The following RANBP2 variants were observed in gnomAD, a reference collection of about 807,000 sequenced individuals.
RANBP2 encodes RAN binding protein 2, also known as E3 SUMO-protein ligase RanBP2.
In RANBP2, 57 loss-of-function variants were observed where a neutral mutation model predicts 303.6. That is an observed-to-expected ratio of 0.19 (90% CI 0.15 to 0.23). RANBP2 has a LOEUF of 0.23. Among genes scored for constraint, RANBP2 ranks in the 10% least tolerant of loss-of-function variants. The probability of loss-of-function intolerance (pLI) is 1.00; values close to 1 mark genes in which losing one functional copy is unlikely to be tolerated. For missense variants in RANBP2, 3,138 were observed against 3,780.8 expected (o/e 0.83, Z 4.46); for synonymous variants, 1,167 against 1,301.5 (o/e 0.90, Z 2.23).
At chr2:108,911,664 C>A in the RANBP2 span, among the ~76,000 whole-genome samples, 1 of 152,150 alleles carries the variant, frequency 6.6e-6, no homozygotes, top group African/African-American at 2.4e-5. Context: ...TAATGTCGAC[C>A]CTGGATGCAT....
At chr2:108,841,660 T>C in the RANBP2 span, among the ~76,000 whole-genome samples, 1 of 152,138 alleles carries the variant, frequency 6.6e-6, no homozygotes, top group Non-Finnish European at 1.5e-5. Context: ...TTAAATAGCA[T>C]ACAGCTGCAT....
At chr2:109,472,304 C>T in the RANBP2 span, among the ~76,000 whole-genome samples, 1 of 151,340 alleles carries the variant, frequency 6.6e-6, no homozygotes, top group African/African-American at 2.4e-5. Context: ...AGGACCCGGC[C>T]AGGGGCCTCC....
chr2:109,684,042 A>G, the RANBP2 span, among the ~76,000 whole-genome samples: 1 of 151,624 alleles, frequency 6.6e-6, no homozygotes, highest in Non-Finnish European at 1.5e-5. Context: ...CCCAGGCTCA[A>G]GCGATTCTCC....
chr2:109,661,780 C>T, the RANBP2 span, among the ~76,000 whole-genome samples: 2 of 152,160 alleles, frequency 1.3e-5, no homozygotes, highest in South Asian at 4.1e-4. Context: ...TACAGGTAAA[C>T]CTGTTCAAAG....
chr2:109,413,632 C>A, the RANBP2 span, among the ~76,000 whole-genome samples: 5 of 152,196 alleles, frequency 3.3e-5, no homozygotes, highest in Non-Finnish European at 7.4e-5. Flanking sequence ...TGTATGAGAA[C>A]GTCTCTGGCC....
the RANBP2 span, among the ~76,000 whole-genome samples, chr2:109,106,392 C>G: frequency 2.0e-5 from 3 of 152,158 alleles, no homozygotes; most frequent in African/African-American, 4.8e-5. Flanking sequence ...AGATTTTGTA[C>G]AAGATAAAAC....
chr2:109,580,264 G>A, the RANBP2 span, among the ~76,000 whole-genome samples: 4 of 149,644 alleles, frequency 2.7e-5, no homozygotes, highest in East Asian at 2.0e-4. Context: ...AAATTATAAG[G>A]TTAATTTGCC....
rs1220717641 is a variant in RANBP2, at chr2:108,763,706, C to T, written c.3167C>T (p.Pro1056Leu). ...FSSPQVVTQP[P>L]PAAYSNSESL... ...TCACCACAGGTTGTGACACAGCCCCCTCCTGCAGCTTACAGTAACAGTGAA... is the reference window on the plus strand; with the variant it reads ...TCACCACAGGTTGTGACACAGCCCCTTCCTGCAGCTTACAGTAACAGTGAA... Residue 1056 changes from proline to leucine, a missense_variant, in exon 20 of 29, where the codon CCT (proline) becomes CTT (leucine). Transcript: ENST00000283195. 2 of 1,613,966 alleles carry T rather than the reference C, an allele frequency of 1.2e-6. No individual in the cohort carries two copies. Among genetic ancestry groups the T allele is most frequent in the Non-Finnish European group, 1.7e-6 (2 of 1,179,980 alleles).
intron 1 of RANBP2, among the ~76,000 whole-genome samples, chr2:108,721,321 C>T (rs968599733): frequency 6.6e-6 from 1 of 152,122 alleles, no homozygotes; most frequent in Non-Finnish European, 1.5e-5. Context: ...GGATAGATAT[C>T]TACTTGTACA....
At chr2:109,328,722 G>A in the RANBP2 span, among the ~76,000 whole-genome samples, 1 of 152,152 alleles carries the variant, frequency 6.6e-6, no homozygotes, top group Non-Finnish European at 1.5e-5. Context: ...TGTGTCCTGT[G>A]ATCTGTCAGT....
At chr2:109,371,480 C>T in the RANBP2 span, 1 of 840,708 alleles carries the variant, frequency 1.2e-6, no homozygotes. Flanking sequence ...TGAACTCATT[C>T]CTTGGAATCT....
At chr2:109,484,108 T>C in the RANBP2 span, among the ~76,000 whole-genome samples, 1 of 148,052 alleles carries the variant, frequency 6.8e-6, no homozygotes, top group South Asian at 2.2e-4. Context: ...CGCTCTTGTC[T>C]CCTAGGCTGG....
chr2:108,818,286 A>T, the RANBP2 span, among the ~76,000 whole-genome samples: 3 of 152,200 alleles, frequency 2.0e-5, no homozygotes, highest in Non-Finnish European at 4.4e-5. Context: ...CAGCCTGGGC[A>T]ACAGAGTGAG....
the RANBP2 span, among the ~76,000 whole-genome samples, chr2:109,219,248 C>A: frequency 6.6e-6 from 1 of 152,120 alleles, no homozygotes; most frequent in Non-Finnish European, 1.5e-5. Context: ...CTCAGACTAC[C>A]GTTTTTGCTC....
chr2:109,148,842 G>GT, the RANBP2 span, among the ~76,000 whole-genome samples: 2 of 151,566 alleles, frequency 1.3e-5, no homozygotes, highest in South Asian at 2.1e-4. Context: ...TCATGGCAGT[G>GT]TTTTTTTTTA....
At chr2:108,831,430 T>C in the RANBP2 span, among the ~76,000 whole-genome samples, 1 of 152,184 alleles carries the variant, frequency 6.6e-6, no homozygotes. Context: ...ACTTTTTTAT[T>C]ATGTTTGGAT....
At chr2:109,098,396 A>G in the RANBP2 span, among the ~76,000 whole-genome samples, 3 of 152,250 alleles carry the variant, frequency 2.0e-5, no homozygotes, top group Non-Finnish European at 4.4e-5. Flanking sequence ...TTTCTGAATA[A>G]GCCAGTCTCA....
chr2:109,097,995 T>C, the RANBP2 span, among the ~76,000 whole-genome samples: 2 of 152,122 alleles, frequency 1.3e-5, no homozygotes, highest in Non-Finnish European at 1.5e-5. Flanking sequence ...GTGTTGCCCT[T>C]CCCCTGGAAG....
chr2:109,368,493 A>G, the RANBP2 span, among the ~76,000 whole-genome samples: 1 of 152,144 alleles, frequency 6.6e-6, no homozygotes, highest in Non-Finnish European at 1.5e-5. Context: ...TATTGCTGGT[A>G]TATGAGAAAG....
Sources: allele counts gnomAD v4.1 joint callset (sites outside exome capture counted in the v4.1 genomes callset), GRCh38; gene constraint gnomAD v4.1.1; transcripts MANE v1.5; gene names NCBI Gene and HGNC (gene_info 2026-07-23, HGNC 2026-07-21).